The following APLF variants were observed in gnomAD, a reference collection of about 807,000 sequenced individuals.
The protein encoded by APLF is aprataxin and PNK-like factor.
In APLF, 61 loss-of-function variants were observed where a neutral mutation model predicts 55.6. The observed-to-expected ratio is 1.10, with a 90% CI of 0.89 to 1.36. The LOEUF is 1.36. APLF is among the 40% of genes most tolerant of loss of function. The pLI, the probability that APLF is intolerant of heterozygous loss-of-function variation, is 0.00. For missense variants in APLF, 611 were observed against 602.5 expected, an observed-to-expected ratio of 1.01 and a Z score of -0.15; for synonymous variants, 207 against 214.8, an observed-to-expected ratio of 0.96 and a Z score of 0.32.
intron 9 of APLF, among the ~76,000 whole-genome samples, chr2:68,567,645 G>C (rs536672773): frequency 6.6e-6 from 1 of 151,978 alleles, no homozygotes; most frequent in Non-Finnish European, 1.5e-5. Context: ...GTACCTGAAA[G>C]CAAAATCTCA....
intron 7 of APLF, 135 bp from the exon 8 acceptor site, chr2:68,545,052 T>A: frequency 9.8e-7 from 1 of 1,023,286 alleles, no homozygotes; most frequent in Non-Finnish European, 1.4e-6. Flanking sequence ...TAATCTGCGC[T>A]TATGTCATCA....
intron 8 of APLF, among the ~76,000 whole-genome samples, chr2:68,563,581 C>A (rs1286602913): frequency 6.6e-6 from 1 of 152,054 alleles, no homozygotes; most frequent in Non-Finnish European, 1.5e-5. Context: ...TTTAATCTTT[C>A]TAGCCTGACA....
At chr2:68,497,797 G>T (rs1053382284) in intron 2 of APLF, among the ~76,000 whole-genome samples, 1 of 151,940 alleles carries the variant, frequency 6.6e-6, no homozygotes. Flanking sequence ...CATGAGATTT[G>T]GGCAGTGACA....
At chr2:68,518,450 A>AG (rs1461261047) in intron 5 of APLF, among the ~76,000 whole-genome samples, 5 of 113,668 alleles carry the variant, frequency 4.4e-5, no homozygotes, top group African/African-American at 3.6e-5. Context: ...ATAATAATAT[A>AG]TTATATATTA....
intron 2 of APLF, among the ~76,000 whole-genome samples, chr2:68,496,142 C>A (rs1315600824): frequency 6.6e-6 from 1 of 152,182 alleles, no homozygotes; most frequent in Non-Finnish European, 1.5e-5. Flanking sequence ...TGCTGTGTCA[C>A]CCAAGCTGGA....
chr2:68,496,285 AG>A (rs1379097245), intron 2 of APLF, among the ~76,000 whole-genome samples: 1 of 151,816 alleles, frequency 6.6e-6, no homozygotes, highest in African/African-American at 2.4e-5. Flanking sequence ...TTGTATTTTT[AG>A]TGGAGATGGG....
intron 9 of APLF, chr2:68,568,350 A>C (rs891335564): frequency 1.0e-6 from 1 of 974,542 alleles, no homozygotes; most frequent in Non-Finnish European, 1.2e-6. Context: ...CTTGTAATCA[A>C]GTAAGTGATG....
At chr2:68,562,965 A>T in intron 8 of APLF, 1 of 514,856 alleles carries the variant, frequency 1.9e-6, no homozygotes, top group Non-Finnish European at 2.5e-6. Flanking sequence ...CTATTCTGTG[A>T]GTTCTGTTTA....
intron 8 of APLF, among the ~76,000 whole-genome samples, chr2:68,566,984 G>T (rs1048443741): frequency 6.6e-6 from 1 of 151,908 alleles, no homozygotes; most frequent in African/African-American, 2.4e-5. Flanking sequence ...ATACATATTT[G>T]ATATTTGTGT....
intron 6 of APLF, among the ~76,000 whole-genome samples, chr2:68,536,317 A>G (rs1419625034): frequency 6.6e-6 from 1 of 152,198 alleles, no homozygotes; most frequent in Non-Finnish European, 1.5e-5. Context: ...CAAGGCAGTT[A>G]GTCAGTTTGG....
chr2:68,574,863 AAG>A (rs1250998786), intron 9 of APLF, among the ~76,000 whole-genome samples: 1 of 152,204 alleles, frequency 6.6e-6, no homozygotes, highest in Non-Finnish European at 1.5e-5. Context: ...AGGCTAAAAT[AAG>A]AGTTTCTGTA....
chr2:68,480,359 C>T (rs577610884), intron 1 of APLF, among the ~76,000 whole-genome samples: 23 of 150,474 alleles, frequency 1.5e-4, no homozygotes, highest in Non-Finnish European at 2.5e-4. Context: ...GGCTGGAGTG[C>T]GGTGGCATGA....
At chr2:68,513,057 C>T (rs776920088) in intron 3 of APLF, 23 bp from the exon 4 acceptor site, 3 of 1,574,784 alleles carry the variant, frequency 1.9e-6, no homozygotes, top group African/African-American at 2.7e-5. Context: ...AAATTAAAGA[C>T]CAGTTTCTAT....
At chr2:68,486,792 A>G (rs1268983762) in intron 1 of APLF, among the ~76,000 whole-genome samples, 2 of 152,306 alleles carry the variant, frequency 1.3e-5, no homozygotes, top group African/African-American at 4.8e-5. Flanking sequence ...GAATTCTTCA[A>G]TTTAACTTTT....
intron 5 of APLF, among the ~76,000 whole-genome samples, chr2:68,520,163 T>C (rs1160855911): frequency 6.6e-6 from 1 of 151,970 alleles, no homozygotes; most frequent in Non-Finnish European, 1.5e-5. Context: ...TTTGATGGGA[T>C]TATTTGCTTT....
chr2:68,484,278 G>A (rs1488186483), intron 1 of APLF, among the ~76,000 whole-genome samples: 1 of 152,120 alleles, frequency 6.6e-6, no homozygotes, highest in African/African-American at 2.4e-5. Context: ...TATAGTAGAT[G>A]AAGTATTCTA....
rs142768033 is a variant in APLF, at chr2:68,480,691, C to T, written c.97-9499C>T. ...AATAGTGGGGCATCCTTAGCTTGTT[C>T]CAATTCTTAGAAGAAAAGGTTTCAT... On this transcript the variant is annotated intron_variant, in intron 1 of 9. Transcript: ENST00000303795. Among the ~76,000 whole-genome samples the T allele has an allele frequency of 6.5e-3, 983 of 151,984 alleles. 7 individuals carry two copies. The highest frequency in any genetic ancestry group is 0.023 in the African/African-American group (936 of 41,446).
chr2:68,549,515 C>A (rs943660844), intron 8 of APLF, among the ~76,000 whole-genome samples: 1 of 152,036 alleles, frequency 6.6e-6, no homozygotes, highest in Non-Finnish European at 1.5e-5. Context: ...ATATAGCACA[C>A]ACTTTGGAAA....
At chr2:68,493,961 A>T (rs1024345058) in intron 2 of APLF, among the ~76,000 whole-genome samples, 4 of 152,058 alleles carry the variant, frequency 2.6e-5, no homozygotes, top group Non-Finnish European at 5.9e-5. Context: ...ACAAGAAATT[A>T]TCCAGGCGTG....
Sources: allele counts gnomAD v4.1 joint callset (sites outside exome capture counted in the v4.1 genomes callset), GRCh38; gene constraint gnomAD v4.1.1; transcripts MANE v1.5; gene names NCBI Gene and HGNC (gene_info 2026-07-23, HGNC 2026-07-21).